Variants in GABRA3 observed in about 807,000 individuals in gnomAD.
GABRA3 encodes the protein gamma-aminobutyric acid type A receptor subunit alpha3, also known as gamma-aminobutyric acid receptor subunit alpha-3.
Under a neutral mutation model 30.1 loss-of-function variants are expected in GABRA3, and 10 were observed. The observed-to-expected ratio is 0.33, with a 90% CI of 0.20 to 0.56. The LOEUF (loss-of-function observed/expected upper bound fraction) is 0.56. GABRA3 is among the 20% of genes least tolerant of loss of function. GABRA3 has a pLI of 0.89. For missense variants in GABRA3, 233 were observed against 392.0 expected (o/e 0.59, Z 3.42); for synonymous variants, 151 against 146.8 (o/e 1.03, Z -0.21).
At chrX:152,369,819 A>C (rs1359891978) in intron 1 of GABRA3, among the ~76,000 whole-genome samples, 1 of 111,572 alleles carries the variant, frequency 9.0e-6, no homozygotes, top group Non-Finnish European at 1.9e-5. Flanking sequence ...TCAAAGATAT[A>C]TGCCCAATGC....
intron 3 of GABRA3, 37 bp downstream of exon 3, chrX:152,345,544 A>G: frequency 8.5e-7 from 1 of 1,182,293 alleles, no homozygotes; most frequent in Non-Finnish European, 1.1e-6. Context: ...CAAGAAGAAG[A>G]TCTGAAAAGG....
At chrX:152,221,182 G>T (rs964042844) in intron 6 of GABRA3, among the ~76,000 whole-genome samples, 2 of 111,196 alleles carry the variant, frequency 1.8e-5, no homozygotes, top group African/African-American at 3.3e-5. Flanking sequence ...CCTTTTCCAA[G>T]ATCATGGAGA....
intron 3 of GABRA3, among the ~76,000 whole-genome samples, chrX:152,299,038 A>G (rs183032050): frequency 1.8e-5 from 2 of 112,216 alleles, no homozygotes; most frequent in African/African-American, 6.5e-5. Flanking sequence ...GTTCCTAAGA[A>G]GTGTTTGGAA....
At chrX:152,373,698 T>C (rs1208557936) in intron 1 of GABRA3, among the ~76,000 whole-genome samples, 1 of 111,379 alleles carries the variant, frequency 9.0e-6, no homozygotes, top group East Asian at 2.8e-4. Context: ...TACATATGTA[T>C]ACATGTGTCG....
intron 3 of GABRA3, among the ~76,000 whole-genome samples, chrX:152,318,552 T>C (rs1481583925): frequency 9.0e-6 from 1 of 111,494 alleles, no homozygotes; most frequent in South Asian, 3.7e-4. Context: ...ATATCCATGA[T>C]GAACATAGAT....
chrX:152,349,457 A>G (rs1323339553), intron 2 of GABRA3, among the ~76,000 whole-genome samples: 1 of 108,578 alleles, frequency 9.2e-6, no homozygotes, highest in Non-Finnish European at 1.9e-5. Flanking sequence ...ACATAACAAT[A>G]TTAACTTTAA....
At chrX:152,175,004 C>T (rs938621801) in intron 9 of GABRA3, among the ~76,000 whole-genome samples, 1 of 111,747 alleles carries the variant, frequency 8.9e-6, no homozygotes, top group South Asian at 3.7e-4. Context: ...TCAGCTTTCT[C>T]CATATGGCTA....
intron 1 of GABRA3, among the ~76,000 whole-genome samples, chrX:152,442,512 A>T (rs1930959578): frequency 8.9e-6 from 1 of 111,872 alleles, no homozygotes; most frequent in Non-Finnish European, 1.9e-5. Flanking sequence ...TAGCAGAAAT[A>T]ATGGTAGAAA....
At chrX:152,429,219 T>C (rs1335570899) in intron 1 of GABRA3, among the ~76,000 whole-genome samples, 1 of 110,686 alleles carries the variant, frequency 9.0e-6, no homozygotes, top group African/African-American at 3.3e-5. Context: ...TTGCTAAATA[T>C]TCCTTCCACT....
chrX:152,449,241 T>C (rs1424924717), intron 1 of GABRA3, among the ~76,000 whole-genome samples: 2 of 112,174 alleles, frequency 1.8e-5, no homozygotes, highest in African/African-American at 6.5e-5. Context: ...TTTCTGACAA[T>C]CAGAGTTGCT....
chrX:152,388,632 A>G (rs1929392265), intron 1 of GABRA3, among the ~76,000 whole-genome samples: 1 of 112,540 alleles, frequency 8.9e-6, no homozygotes, highest in Non-Finnish European at 1.9e-5. Flanking sequence ...GTTTTCACCA[A>G]TAATATGAAG....
intron 1 of GABRA3, among the ~76,000 whole-genome samples, chrX:152,415,961 G>T (rs1372133805): frequency 9.6e-6 from 1 of 103,645 alleles, no homozygotes; most frequent in Non-Finnish European, 2.0e-5. Flanking sequence ...ATAATTGCAT[G>T]GCCAATTAAA....
At chrX:152,260,855 C>T (rs1270189652) in intron 4 of GABRA3, among the ~76,000 whole-genome samples, 1 of 111,618 alleles carries the variant, frequency 9.0e-6, no homozygotes, top group African/African-American at 3.3e-5. Context: ...AGTATAAAGA[C>T]AATCCAAGAA....
chrX:152,196,068 C>G (rs1937380710), intron 8 of GABRA3, among the ~76,000 whole-genome samples: 1 of 109,555 alleles, frequency 9.1e-6, no homozygotes. Context: ...TTCTTTTAAG[C>G]TCACGTTAAG....
In GABRA3 at chrX:152,328,584, A is replaced by G. The variant is rs751246152; in HGVS notation, c.262+16997T>C. ...AAACGTAAATCAGCATATAAACAGA[A>G]CCAAAGACAAAAACCACACAATTAT... On this transcript the variant is annotated intron_variant, in intron 3 of 9. Coordinates refer to ENST00000370314, the MANE Select transcript of GABRA3 (RefSeq NM_000808.4). Among the ~76,000 whole-genome samples the G allele has an allele frequency of 8.0e-5, 9 of 112,153 alleles. No individual in the cohort carries two copies. The South Asian group carries it at 3.3e-3, about 41-fold the overall frequency.
At chrX:152,369,339 C>T (rs1291776688) in intron 1 of GABRA3, among the ~76,000 whole-genome samples, 1 of 85,934 alleles carries the variant, frequency 1.2e-5, no homozygotes, top group Non-Finnish European at 2.3e-5. Flanking sequence ...ATGGTAAATG[C>T]ATGCAATTTT....
chrX:152,360,699 AAAAAAAAAAAATT>A lies in GABRA3; in HGVS notation c.140+3719_140+3731del, dbSNP rs1260844758. Among the ~76,000 whole-genome samples the A allele has an allele frequency of 6.1e-3, 528 of 87,246 alleles. 7 individuals are homozygous for A. The highest frequency in any genetic ancestry group is 0.02 in the African/African-American group (436 of 22,051). The allele number at this position is 87,246 out of a possible 115,157, so 75.8% of individuals were successfully genotyped here. On this transcript the variant is annotated intron_variant, in intron 2 of 9. Transcript: ENST00000370314. ...GTACCCTAAAACTTAGAGTATAATA[AAAAAAAAAAAATT>A]AAAAAAAAAAAATTAAAAAAAAAAA...
intron 2 of GABRA3, among the ~76,000 whole-genome samples, chrX:152,359,233 G>A (rs1448437315): frequency 9.0e-6 from 1 of 110,930 alleles, no homozygotes. Flanking sequence ...TTCAATTTTG[G>A]AACTTGTTAT....
intron 1 of GABRA3, among the ~76,000 whole-genome samples, chrX:152,429,630 T>C (rs182472009): frequency 1.8e-5 from 2 of 111,971 alleles, no homozygotes; most frequent in East Asian, 5.7e-4. Flanking sequence ...GTCTTCAACC[T>C]AAAAATAGTT....
Sources: gnomAD v4.1 joint callset for allele counts (sites outside exome capture counted in the v4.1 genomes callset) on GRCh38, gnomAD v4.1.1 for gene constraint, MANE v1.5 for transcripts, NCBI Gene and HGNC (gene_info 2026-07-23, HGNC 2026-07-21) for gene names.